Variants in ZNF845 observed in about 807,000 individuals in gnomAD.
The protein encoded by ZNF845 is zinc finger protein 845.
In ZNF845, 59 loss-of-function variants were observed where a neutral mutation model predicts 76.1. The ratio of observed to expected loss-of-function variants is 0.78; its 90% CI spans 0.63 to 0.96. The LOEUF is 0.96. Ranked by LOEUF, ZNF845 falls within the 40% of genes least tolerant of loss-of-function variation. ZNF845 has a pLI of 0.00. For missense variants in ZNF845, 1,045 were observed against 1,172.8 expected, an observed-to-expected ratio of 0.89 and a Z score of 1.59; for synonymous variants, 361 against 386.9, an observed-to-expected ratio of 0.93 and a Z score of 0.78.
chr19:53,347,567 A>C (rs1025592572), intron 3 of ZNF845, among the ~76,000 whole-genome samples: 22 of 152,066 alleles, frequency 1.4e-4, no homozygotes, highest in Non-Finnish European at 2.8e-4. Context: ...TGCTGAGATT[A>C]CAGGCATGAA....
chr19:53,352,018 T>G lies in ZNF845; in HGVS notation c.1343T>G (p.Phe448Cys). Residue 448 changes from phenylalanine (F) to cysteine (C), a missense_variant, in exon 4 of 4, where the codon TTC becomes TGC. Coordinates refer to ENST00000458035, the MANE Select transcript of ZNF845 (RefSeq NM_138374.3). ...AAATGTGAAGAATGTGATGAAGCTT[T>G]CAGTTTCAAATCGAACCTTGAAAGA... ...PYKCEECDEA[F>C]SFKSNLERHR... is the part of the protein sequence containing the mutation. The G allele has an allele frequency of 1.2e-6, 2 of 1,613,968 alleles. No homozygotes were observed. Among genetic ancestry groups the G allele is most frequent in the Non-Finnish European group, 1.7e-6 (2 of 1,179,952 alleles).
chr19:53,345,463 A>T (rs757473059), intron 2 of ZNF845, 43 bp from the exon 3 acceptor site: 3 of 1,613,296 alleles, frequency 1.9e-6, no homozygotes, highest in South Asian at 1.1e-5. Context: ...AAAGATAAGA[A>T]CTCCTCCCAT....
At chr19:53,338,721 C>T (rs1039331065) in intron 1 of ZNF845, among the ~76,000 whole-genome samples, 8 of 100,822 alleles carry the variant, frequency 7.9e-5, no homozygotes, top group African/African-American at 1.6e-4. Context: ...CACACACACA[C>T]GCACACACAC....
Position 53,351,692 on chromosome 19 carries a change from G to T in ZNF845, c.1017G>T (p.Thr339=). Residue 339 remains threonine, a synonymous_variant, in exon 4 of 4, where the codon ACG becomes ACT. Coordinates refer to ENST00000458035, the MANE Select transcript of ZNF845 (RefSeq NM_138374.3). ...AATGTGGCAAGACCTTCAGTCAAAC[G>T]TCATACCTTGTGTACCATCGTAGAC... is the stretch of plus-strand genomic sequence containing the variant. The part of the protein sequence containing the change: ...CNECGKTFSQ[T]SYLVYHRRLH... 3.1e-6 allele frequency: 5 copies of T among 1,613,838 alleles called. No homozygotes were observed. Among genetic ancestry groups the T allele is most frequent in the Non-Finnish European group, 3.4e-6 (4 of 1,179,878 alleles).
chr19:53,336,108 A>C (rs2085211361), intron 1 of ZNF845, among the ~76,000 whole-genome samples: 1 of 151,548 alleles, frequency 6.6e-6, no homozygotes, highest in Non-Finnish European at 1.5e-5. Context: ...GCTACTTAGG[A>C]GGCTGAGGCA....
chr19:53,346,378 C>CA (rs1568737990), intron 3 of ZNF845: 5 of 281,088 alleles, frequency 1.8e-5, no homozygotes, highest in East Asian at 1.6e-4. Flanking sequence ...CAGCCGGCTT[C>CA]GCTCTCGTGC....
intron 1 of ZNF845, among the ~76,000 whole-genome samples, chr19:53,337,510 A>G (rs1381761662): frequency 1.3e-5 from 2 of 152,102 alleles, no homozygotes; most frequent in South Asian, 4.1e-4. Context: ...CCTTGCAAGC[A>G]GCTGAAATTA....
chr19:53,352,100 C>T lies in ZNF845; in HGVS notation c.1425C>T (p.Thr475=). Residue 475 remains threonine (T), a synonymous_variant, in exon 4 of 4, where the codon ACC becomes ACT. Transcript: ENST00000458035. ...ACAAGTGTAATGATTGTGGCAAGAC[C>T]TTCAGTCAGACATCATCCCTTGTAT... ...KPYKCNDCGK[T]FSQTSSLVYH... 6.2e-7 allele frequency: 1 copy of T among 1,613,798 alleles called. No individual in the cohort carries two copies. Among genetic ancestry groups the T allele is most frequent in the Non-Finnish European group, 8.5e-7 (1 of 1,179,938 alleles).
chr19:53,351,104 C>A lies in ZNF845; in HGVS notation c.429C>A (p.Ser143Arg), dbSNP rs749454079. The A allele has an allele frequency of 6.2e-6, 10 of 1,614,200 alleles. No individual in the cohort carries two copies. The highest frequency in any genetic ancestry group is 6.8e-6 in the Non-Finnish European group (8 of 1,180,040). ...CTATTAAAGATCAGCTTGGATCAAG[C>A]TTTCATTCGCATCTGCCTGAACTCC... Reference protein sequence around the residue: ...NKPIKDQLGSSFHSHLPELHM... With the variant: ...NKPIKDQLGSRFHSHLPELHM... The change falls in exon 4 of 4, where the codon AGC (serine) becomes AGA (arginine). Residue 143 changes from serine to arginine, a missense_variant. Transcript: ENST00000458035.
In ZNF845 at chr19:53,351,931, C is replaced by G. The variant is rs924505292; in HGVS notation, c.1256C>G (p.Thr419Ser). Residue 419 changes from threonine (T) to serine (S), a missense_variant, in exon 4 of 4, where the codon ACC becomes AGC. By Grantham distance (58) the Thr-to-Ser change is moderately conservative (BLOSUM62 1). Coordinates refer to ENST00000458035, the MANE Select transcript of ZNF845 (RefSeq NM_138374.3). ...TATAAGTGTAATGATTGTGGCAAGA[C>G]CTTCAGTCAGATGTCATCCCTTGTA... ...KPYKCNDCGK[T>S]FSQMSSLVYH... The G allele has an allele frequency of 1.2e-6, 2 of 1,613,544 alleles. No individual in the cohort carries two copies. Among genetic ancestry groups the G allele is most frequent in the Admixed American group, 1.7e-5 (1 of 59,952 alleles).
intron 3 of ZNF845, chr19:53,346,304 T>G (rs767519058): frequency 5.4e-6 from 2 of 367,290 alleles, no homozygotes; most frequent in Middle Eastern, 3.7e-4. Flanking sequence ...TATTGACTTT[T>G]GTTTATGATG....
At chr19:53,336,576 T>G (rs894619294) in intron 1 of ZNF845, among the ~76,000 whole-genome samples, 15 of 151,994 alleles carry the variant, frequency 9.9e-5, no homozygotes, top group African/African-American at 3.4e-4. Flanking sequence ...TTGTTCTCGT[T>G]GTGTAACATA....
chr19:53,340,210 C>T (rs952006455), intron 1 of ZNF845, among the ~76,000 whole-genome samples: 3 of 152,178 alleles, frequency 2.0e-5, no homozygotes, highest in African/African-American at 7.2e-5. Context: ...TGCTACCATG[C>T]CCAGCTAATT....
At position 53,351,641 on chromosome 19, in the gene ZNF845, T is replaced by G; in HGVS notation, c.966T>G (p.Thr322=). 1 of 1,614,062 alleles carries G rather than the reference T, an allele frequency of 6.2e-7. No homozygotes were observed. Among genetic ancestry groups the G allele is most frequent in the Non-Finnish European group, 8.5e-7 (1 of 1,179,948 alleles). Reference sequence around the variant, plus strand: ...TTGTAATTCATAAGGCAATTCATACTGGAGAGAAATCTTACAAGTGTAATG... The same window carrying G: ...TTGTAATTCATAAGGCAATTCATACGGGAGAGAAATCTTACAAGTGTAATG... The part of the protein sequence containing the change: ...SALVIHKAIH[T]GEKSYKCNEC... Residue 322 remains threonine (T), a synonymous_variant, in exon 4 of 4, where the codon ACT becomes ACG. Transcript: ENST00000458035.
chr19:53,352,244 C>G lies in ZNF845; in HGVS notation c.1569C>G (p.Tyr523Ter). 3 of 1,613,714 alleles carry G rather than the reference C, an allele frequency of 1.9e-6. No homozygotes were observed. The highest frequency in any genetic ancestry group is 2.5e-6 in the Non-Finnish European group (3 of 1,179,872). Reference protein sequence around the residue: ...HRIIHTGEKLYKCNECGKTFS... With the variant: ...HRIIHTGEKL ...TAATTCATACTGGAGAGAAACTTTA[C>G]AAGTGTAATGAATGTGGCAAGACCT... The change falls in exon 4 of 4, where the codon TAC becomes TAG. Residue 523 changes from tyrosine to a stop codon, truncating the protein, a stop_gained. Transcript: ENST00000458035. LOFTEE classifies it high-confidence loss of function.
At chr19:53,340,765 TC>T (rs1172828092) in intron 1 of ZNF845, 1 of 312,194 alleles carries the variant, frequency 3.2e-6, no homozygotes. Flanking sequence ...TGATCTGCCC[TC>T]CCAGGTCCTC....
chr19:53,342,864 G>C (rs557725379), intron 2 of ZNF845, among the ~76,000 whole-genome samples: 3 of 151,918 alleles, frequency 2.0e-5, no homozygotes. Flanking sequence ...TGTTGCCCAC[G>C]CTGGAGTATA....
chr19:53,345,113 C>G (rs867789962), intron 2 of ZNF845, among the ~76,000 whole-genome samples: 1 of 151,990 alleles, frequency 6.6e-6, no homozygotes, highest in African/African-American at 2.4e-5. Context: ...GTCAGGAGTT[C>G]GAGATCAGCC....
intron 2 of ZNF845, among the ~76,000 whole-genome samples, chr19:53,341,774 T>C (rs1030065673): frequency 2.6e-5 from 4 of 152,184 alleles, no homozygotes; most frequent in Non-Finnish European, 5.9e-5. Flanking sequence ...TTATACTACA[T>C]TTTTAGTTTT....
Sources: allele counts gnomAD v4.1 joint callset (sites outside exome capture counted in the v4.1 genomes callset), GRCh38; gene constraint gnomAD v4.1.1; transcripts MANE v1.5; gene names NCBI Gene and HGNC (gene_info 2026-07-23, HGNC 2026-07-21).